The following MPZL2 variants were observed in gnomAD, a reference collection of about 807,000 sequenced individuals.
The protein encoded by MPZL2 is myelin protein zero-like protein 2.
Under a neutral mutation model 24.5 loss-of-function variants are expected in MPZL2, and 32 were observed. The ratio of observed to expected loss-of-function variants is 1.31; its 90% CI spans 0.99 to 1.76. The LOEUF (loss-of-function observed/expected upper bound fraction) is 1.76. Among genes scored for constraint, MPZL2 ranks in the 40% most tolerant of loss-of-function variants. The pLI, the probability that MPZL2 is intolerant of heterozygous loss-of-function variation, is 0.00. For synonymous variants in MPZL2, 92 were observed against 97.9 expected (o/e 0.94, Z 0.36); for missense variants, 304 against 274.9 (o/e 1.11, Z -0.75).
At chr11:118,257,632 TAAA>T (rs1949669831) in intron 4 of MPZL2, 1 of 200,836 alleles carries the variant, frequency 5.0e-6, no homozygotes, top group South Asian at 1.5e-4. Flanking sequence ...AAAAAAAAAA[TAAA>T]AAGTTTTGTG....
At position 118,254,722 on chromosome 11, in the gene MPZL2, A is replaced by C. The variant is rs987511774; in HGVS notation, c.*524T>G. 6.6e-6 allele frequency: 1 copy of C among 152,232 alleles called. No homozygotes were observed. Among genetic ancestry groups the C allele is most frequent in the African/African-American group, 2.4e-5 (1 of 41,456 alleles). 9.4% of individuals were successfully genotyped at this position (152,232 alleles called of 1,614,324 possible). On this transcript the variant is annotated 3_prime_UTR_variant, in exon 6 of 6. Transcript: ENST00000278937. The stretch of plus-strand genomic sequence containing the variant: ...TCTCATAGTTAAGGAGAGACATAAA[A>C]ATAAAAATGTCATTTAACAGTTTGA...
chr11:118,259,012 T>TAAAAAA (rs56186946), intron 4 of MPZL2, among the ~76,000 whole-genome samples: 1 of 131,264 alleles, frequency 7.6e-6, no homozygotes, highest in African/African-American at 3.6e-5. Context: ...CGGTTATGAT[T>TAAAAAA]AAAAAAAAAA....
chr11:118,263,036 C>T lies in MPZL2; in HGVS notation c.120G>A (p.Gly40=), dbSNP rs1949713352. ...YTSRVLEAVN[G]TDARLKCTFS... Reference sequence around the variant, plus strand: ...AAGTGCATTTTAACCGAGCATCTGTCCCATTAACAGCCTCCAGCACCCGGG... The same window carrying T: ...AAGTGCATTTTAACCGAGCATCTGTTCCATTAACAGCCTCCAGCACCCGGG... The change falls in exon 2 of 6, where the codon GGG becomes GGA. Residue 40 remains glycine, a synonymous_variant. Transcript: ENST00000278937. The T allele has an allele frequency of 6.2e-7, 1 of 1,614,032 alleles. No individual in the cohort carries two copies. Among genetic ancestry groups the T allele is most frequent in the African/African-American group, 1.3e-5 (1 of 74,910 alleles).
rs568682004 is a variant in MPZL2 at position 118,260,382 on chromosome 11, T to C, written c.437-181A>G. 4.6e-5 allele frequency among the ~76,000 whole-genome samples: 7 copies of C among 152,338 alleles called. No individual in the cohort carries two copies. In the South Asian group the frequency reaches 8.3e-4, roughly 18 times the overall value. On this transcript the variant is annotated intron_variant, in intron 3 of 5. Coordinates refer to ENST00000278937, the MANE Select transcript of MPZL2 (RefSeq NM_005797.4). The stretch of plus-strand genomic sequence containing the variant: ...CAATAGGAAAACCATACACATACTT[T>C]AATGGTTCTCAAAGTGTGGTCTTCG...
rs966018560 is a variant in MPZL2, at chr11:118,259,077, G to T, written c.584+977C>A. ...GAAATCAGAACCCTCATATATTGCT[G>T]ACAGGAATGCAAAATAGTCCAGCTG... On this transcript the variant is annotated intron_variant, in intron 4 of 5. Coordinates refer to ENST00000278937, the MANE Select transcript of MPZL2 (RefSeq NM_005797.4). 2.0e-5 allele frequency among the ~76,000 whole-genome samples: 3 copies of T among 150,482 alleles called. 1 individual carries two copies. Among genetic ancestry groups the T allele is most frequent in the Admixed American group, 2.0e-4 (3 of 15,104 alleles).
chr11:118,261,873 C>T (rs554137441), intron 3 of MPZL2, among the ~76,000 whole-genome samples: 1 of 152,266 alleles, frequency 6.6e-6, no homozygotes, highest in African/African-American at 2.4e-5. Context: ...CTCTGTGAGC[C>T]TCGTTTCCTC....
At position 118,264,156 on chromosome 11, in the gene MPZL2, G is replaced by A. The variant is rs759207629; in HGVS notation, c.-3C>T. Reference sequence around the variant, plus strand: ...CGAGTAGAGCTCTTGCCATACATGAGGGAAACCCAGCCTTGGCCCCAGAGA... The same window carrying A: ...CGAGTAGAGCTCTTGCCATACATGAAGGAAACCCAGCCTTGGCCCCAGAGA... On this transcript the variant is annotated 5_prime_UTR_variant, in exon 1 of 6. Coordinates refer to ENST00000278937, the MANE Select transcript of MPZL2 (RefSeq NM_005797.4). 5.0e-6 allele frequency: 8 copies of A among 1,614,068 alleles called. No homozygotes were observed. In the Admixed American group the frequency reaches 8.3e-5, roughly 17 times the overall value.
chr11:118,260,742 C>T (rs1312898597), intron 3 of MPZL2, among the ~76,000 whole-genome samples: 1 of 152,194 alleles, frequency 6.6e-6, no homozygotes, highest in Non-Finnish European at 1.5e-5. Context: ...CTTCAAGGAG[C>T]TCATGCCACT....
At position 118,263,079 on chromosome 11, in the gene MPZL2, G is replaced by A. The variant is rs1416061642; in HGVS notation, c.77C>T (p.Ala26Val). The A allele has an allele frequency of 5.0e-6, 8 of 1,613,868 alleles. 1 individual carries two copies. In the Admixed American group the frequency reaches 8.3e-5, roughly 17 times the overall value. ...IQLTALWPIA[A>V]VEIYTSRVLE... ...CACCCGGGAGGTATAAATTTCCACA[G>A]CTGCTATAGGCCAAAGAGCTGCAAT... Residue 26 changes from alanine (A) to valine (V), a missense_variant, in exon 2 of 6, where the codon GCT (alanine) becomes GTT (valine). Transcript: ENST00000278937.
rs774431419 is a variant in MPZL2 at position 118,262,497 on chromosome 11, T to G, written c.377A>C (p.Lys126Thr). The change falls in exon 3 of 6, where the codon AAG (lysine) becomes ACG (threonine). Residue 126 changes from lysine to threonine, a missense_variant. Coordinates refer to ENST00000278937, the MANE Select transcript of MPZL2 (RefSeq NM_005797.4). ...CACCCCATCAACATCAGGTGGGTTCTTCACCTGGCAGGTGTATGTCCCATT... is the reference window on the plus strand; with the variant it reads ...CACCCCATCAACATCAGGTGGGTTCGTCACCTGGCAGGTGTATGTCCCATT... ...DDNGTYTCQV[K>T]NPPDVDGVIG... The G allele has an allele frequency of 6.2e-7, 1 of 1,614,206 alleles. No individual in the cohort carries two copies. Among genetic ancestry groups the G allele is most frequent in the East Asian group, 2.2e-5 (1 of 44,890 alleles).
At position 118,264,132 on chromosome 11, in the gene MPZL2, G is replaced by C. The variant is rs1949722670; in HGVS notation, c.22C>G (p.Arg8Gly). Residue 8 changes from arginine (R) to glycine (G), a missense_variant, in exon 1 of 6, where the codon CGT becomes GGT. Coordinates refer to ENST00000278937, the MANE Select transcript of MPZL2 (RefSeq NM_005797.4). MYGKSST[R>G]AVLLLLGIQL... ...ATGCCAAGGAGAAGAAGCACCGCAC[G>C]AGTAGAGCTCTTGCCATACATGAGG... 1 of 1,613,996 alleles carries C rather than the reference G, an allele frequency of 6.2e-7. No individual in the cohort carries two copies. The highest frequency in any genetic ancestry group is 1.3e-5 in the African/African-American group (1 of 74,910).
At chr11:118,258,507 C>A (rs932411224) in intron 4 of MPZL2, among the ~76,000 whole-genome samples, 3 of 152,038 alleles carry the variant, frequency 2.0e-5, no homozygotes, top group Admixed American at 2.0e-4. Context: ...TACAAATGGA[C>A]AATAAGAACA....
rs753343136 is a variant in MPZL2, at chr11:118,262,972, T to C, written c.184A>G (p.Thr62Ala). Residue 62 changes from threonine (T) to alanine (A), a missense_variant, in exon 2 of 6, where the codon ACC becomes GCC. Transcript: ENST00000278937. ...FAPVGDALTV[T>A]WNFRPLDGGP... ...CCGTCTAGAGGACGAAAATTCCAGG[T>C]CACTGTTAGAGCATCACCCACAGGG... is the stretch of plus-strand genomic sequence containing the variant. The C allele has an allele frequency of 6.2e-7, 1 of 1,614,160 alleles. No individual in the cohort carries two copies. Among genetic ancestry groups the C allele is most frequent in the Admixed American group, 1.7e-5 (1 of 60,018 alleles).
Position 118,264,033 on chromosome 11 carries a change from T to C in MPZL2, c.58+63A>G. The stretch of plus-strand genomic sequence containing the variant: ...AAAGTCTTGCAACTTCTAAGACAAT[T>C]AGCTAACTTTATAGAGTGAGCAGTG... On this transcript the variant is annotated intron_variant, in intron 1 of 5. Transcript: ENST00000278937. 2.7e-6 allele frequency: 4 copies of C among 1,502,172 alleles called. 1 individual carries two copies. In the South Asian group the frequency reaches 3.4e-5, roughly 13 times the overall value. 93.1% of individuals were successfully genotyped at this position (1,502,172 alleles called of 1,614,324 possible).
In MPZL2 at chr11:118,260,138, A is replaced by G. The variant is rs1949690260; in HGVS notation, c.500T>C (p.Ile167Thr). ...GAAGAGGACCACTACAATTACTATT[A>G]TGATCATCAGTGCACAGGCAGAGCC... ...AIGSACALMI[I>T]IVIVVVLFQH... The change falls in exon 4 of 6, where the codon ATA becomes ACA. Residue 167 changes from isoleucine (I) to threonine (T), a missense_variant. Ile to Thr is a moderately conservative substitution (Grantham distance 89, BLOSUM62 -1). Transcript: ENST00000278937. The G allele has an allele frequency of 6.2e-7, 1 of 1,614,164 alleles. No individual in the cohort carries two copies. Among genetic ancestry groups the G allele is most frequent in the Non-Finnish European group, 8.5e-7 (1 of 1,179,982 alleles).
At chr11:118,256,443 C>CA (rs1949660594) in intron 5 of MPZL2, among the ~76,000 whole-genome samples, 1 of 152,090 alleles carries the variant, frequency 6.6e-6, no homozygotes. Context: ...CGCTTGAGCT[C>CA]AGGTGAGACC....
Position 118,264,267 on chromosome 11 carries a change from T to G in MPZL2, c.-114A>C, listed in dbSNP as rs1949723954. ...ACCGCGTTTTCCCAGAGAGAGGAGT[T>G]TGAGTTGAGTTCCTCACCTGTGCCT... On this transcript the variant is annotated 5_prime_UTR_variant, in exon 1 of 6. Transcript: ENST00000278937. The G allele has an allele frequency of 1.0e-6, 1 of 959,236 alleles. No individual in the cohort carries two copies. Among genetic ancestry groups the G allele is most frequent in the Non-Finnish European group, 1.7e-6 (1 of 603,136 alleles). The allele number at this position is 959,236 out of a possible 1,614,324, so 59.4% of individuals were successfully genotyped here. A position where few individuals can be genotyped will look rare whatever the true frequency, so the allele number is the denominator to read the frequency against.
In MPZL2 at chr11:118,262,956, G is replaced by C; in HGVS notation, c.200C>G (p.Pro67Arg). 6.2e-7 allele frequency: 1 copy of C among 1,614,150 alleles called. No individual in the cohort carries two copies. Among genetic ancestry groups the C allele is most frequent in the South Asian group, 1.1e-5 (1 of 91,076 alleles). The change falls in exon 2 of 6, where the codon CCT becomes CGT. Residue 67 changes from proline to arginine, a missense_variant. Pro to Arg is a moderately radical substitution (Grantham distance 103). Transcript: ENST00000278937. ...DALTVTWNFR[P>R]LDGGPEQFVF... ...AAACTGCTCAGGTCCCCCGTCTAGAGGACGAAAATTCCAGGTCACTGTTAG... is the reference window on the plus strand; with the variant it reads ...AAACTGCTCAGGTCCCCCGTCTAGACGACGAAAATTCCAGGTCACTGTTAG...
Position 118,262,993 on chromosome 11 carries a change from C to T in MPZL2, c.163G>A (p.Val55Met). 1 of 1,614,232 alleles carries T rather than the reference C, an allele frequency of 6.2e-7. No individual in the cohort carries two copies. Among genetic ancestry groups the T allele is most frequent in the African/African-American group, 1.3e-5 (1 of 75,072 alleles). Residue 55 changes from valine (V) to methionine (M), a missense_variant, in exon 2 of 6, where the codon GTG (valine) becomes ATG (methionine). Transcript: ENST00000278937. The stretch of plus-strand genomic sequence containing the variant: ...CAGGTCACTGTTAGAGCATCACCCA[C>T]AGGGGCAAAGCTGGAGAAAGTGCAT... ...LKCTFSSFAP[V>M]GDALTVTWNF...
Sources: gnomAD v4.1 joint callset for allele counts (sites outside exome capture counted in the v4.1 genomes callset) on GRCh38, gnomAD v4.1.1 for gene constraint, MANE v1.5 for transcripts, NCBI Gene and HGNC (gene_info 2026-07-23, HGNC 2026-07-21) for gene names.